ERG: variants seen among roughly 807,000 people sequenced by gnomAD.
ERG encodes ETS transcription factor ERG.
A neutral mutation model predicts 55.3 loss-of-function variants in ERG; 9 were observed. The observed-to-expected ratio is 0.16, with a 90% CI of 0.10 to 0.28. ERG has a LOEUF of 0.28. Among genes scored for constraint, ERG ranks in the 10% least tolerant of loss-of-function variants. ERG has a pLI of 1.00. For synonymous variants in ERG, 223 were observed against 237.3 expected (o/e 0.94, Z 0.55); for missense variants, 434 against 631.6 (o/e 0.69, Z 3.35).
At chr21:38,371,547 T>A in the ERG span, among the ~76,000 whole-genome samples, 1 of 152,038 alleles carries the variant, frequency 6.6e-6, no homozygotes, top group Non-Finnish European at 1.5e-5. Flanking sequence ...AAAGAAGTCA[T>A]ATTCTTTTCT....
At chr21:38,612,188 A>G (rs533317659) in intron 1 of ERG, among the ~76,000 whole-genome samples, 1 of 152,342 alleles carries the variant, frequency 6.6e-6, no homozygotes, top group Admixed American at 6.5e-5. Flanking sequence ...AAGAGGAGTC[A>G]CAAAATGTTT....
intron 6 of ERG, among the ~76,000 whole-genome samples, chr21:38,396,378 C>T (rs1393300863): frequency 6.6e-6 from 1 of 152,214 alleles, no homozygotes; most frequent in Admixed American, 6.5e-5. Flanking sequence ...AAGATACAGG[C>T]TTTACATAAC....
intron 1 of ERG, among the ~76,000 whole-genome samples, chr21:38,608,453 C>T (rs1364881122): frequency 2.0e-5 from 3 of 152,074 alleles, no homozygotes; most frequent in African/African-American, 4.8e-5. Flanking sequence ...AACAACACAG[C>T]CTCAAAATAC....
At position 38,383,288 on chromosome 21, in the gene ERG, C is replaced by T. The variant is rs1038832689; in HGVS notation, c.*115G>A. ...TCTCTTCCCCGGCTTCCTTCCCCAGCCCCAGTAAAGCTTTTTTCATTCCTC... is the reference window on the plus strand; with the variant it reads ...TCTCTTCCCCGGCTTCCTTCCCCAGTCCCAGTAAAGCTTTTTTCATTCCTC... On this transcript the variant is annotated 3_prime_UTR_variant, in exon 10 of 10. Transcript: ENST00000288319. This position sits in a 1 kb window ranked among gnomAD's most constrained non-coding sequence, Gnocchi z 5.7. 7.5e-7 allele frequency: 1 copy of T among 1,336,000 alleles called. No homozygotes were observed. Among genetic ancestry groups the T allele is most frequent in the African/African-American group, 1.5e-5 (1 of 68,374 alleles). The allele number at this position is 1,336,000 out of a possible 1,614,324, so 82.8% of individuals were successfully genotyped here.
At chr21:38,519,202 T>C (rs1349853020) in intron 2 of ERG, among the ~76,000 whole-genome samples, 5 of 152,168 alleles carry the variant, frequency 3.3e-5, no homozygotes, top group Non-Finnish European at 5.9e-5. Flanking sequence ...TATTTATCCA[T>C]CAGGGCTGTA....
chr21:38,633,629 A>AT (rs2060370471), intron 1 of ERG, among the ~76,000 whole-genome samples: 1 of 151,870 alleles, frequency 6.6e-6, no homozygotes, highest in Non-Finnish European at 1.5e-5. Flanking sequence ...TTTCTTATTT[A>AT]TTTTTGCCTT....
chr21:38,477,007 C>CTTTTTTTTTTTTTTT (rs397867221), intron 1 of ERG, among the ~76,000 whole-genome samples: 7 of 84,156 alleles, frequency 8.3e-5, no homozygotes, highest in African/African-American at 9.4e-5. Flanking sequence ...TCTTTCTTTC[C>CTTTTTTTTTTTTTTT]TTTTTTTTTT....
chr21:38,398,961 G>A (rs1466221076), intron 6 of ERG, among the ~76,000 whole-genome samples: 1 of 152,096 alleles, frequency 6.6e-6, no homozygotes, highest in Non-Finnish European at 1.5e-5. Context: ...CAAATGTTTT[G>A]GAAATAGTTT....
rs375304559 is a variant in ERG, at chr21:38,572,180, C to A, written c.-41+3482G>T. 1.0e-3 allele frequency among the ~76,000 whole-genome samples: 144 copies of A among 140,166 alleles called. 3 individuals are homozygous for A. In the East Asian group the frequency reaches 0.028, roughly 27 times the overall value. 92.0% of individuals were successfully genotyped at this position (140,166 alleles called of 152,430 possible). On this transcript the variant is annotated intron_variant, in intron 2 of 8. Transcript: ENST00000398897. Reference sequence around the variant, plus strand: ...GACCATCCTGGCTAACACGGTGAAACCCCGTCTCTACTAAAAAAAAAAAAA... The same window carrying A: ...GACCATCCTGGCTAACACGGTGAAAACCCGTCTCTACTAAAAAAAAAAAAA...
intron 7 of ERG, 102 bp downstream of exon 7, chr21:38,392,274 T>C (rs1268663875): frequency 1.0e-6 from 1 of 991,548 alleles, no homozygotes; most frequent in East Asian, 2.6e-5. Flanking sequence ...CCATCACATG[T>C]TGCAAAATCA....
intron 2 of ERG, among the ~76,000 whole-genome samples, chr21:38,544,823 A>G (rs1313856419): frequency 6.6e-6 from 1 of 152,104 alleles, no homozygotes; most frequent in African/African-American, 2.4e-5. Context: ...CTGGATGCTC[A>G]TGAAGCTCTC....
chr21:38,476,615 G>A (rs1021719465), intron 1 of ERG, among the ~76,000 whole-genome samples: 7 of 152,178 alleles, frequency 4.6e-5, no homozygotes, highest in African/African-American at 1.4e-4. Flanking sequence ...ACCCATCTGG[G>A]CACAGAACTG....
rs564502519 is a variant in ERG, at chr21:38,534,728, C to CA, written c.-41+40933dup. On this transcript the variant is annotated intron_variant, in intron 2 of 8. Transcript: ENST00000398897. ...GCAATTCTACTTCTGGGTATATATT[C>CA]AAAAAAATTTAAAGCAGGATCTCAA... is the stretch of plus-strand genomic sequence containing the variant. 8.2e-4 allele frequency among the ~76,000 whole-genome samples: 125 copies of CA among 152,092 alleles called. 1 individual carries two copies. Among genetic ancestry groups the CA allele is most frequent in the African/African-American group, 2.9e-3 (122 of 41,490 alleles).
rs1210386270 is a variant in ERG at position 38,537,438 on chromosome 21, A to AT, written c.-41+38223_-41+38224insA. On this transcript the variant is annotated intron_variant, in intron 2 of 8. Coordinates refer to the ERG transcript ENST00000398897. ...TAATAAGGGATTAATATCCAGAAAA[A>AT]AAAATATATATATATATGTATATAA... Among the ~76,000 whole-genome samples, 301 of 117,284 alleles carry AT rather than the reference A, an allele frequency of 2.6e-3. 2 individuals are homozygous for AT. Among genetic ancestry groups the AT allele is most frequent in the African/African-American group, 0.011 (284 of 25,872 alleles). The allele number at this position is 117,284 out of a possible 152,430, so 76.9% of individuals were successfully genotyped here.
chr21:38,415,324 G>C (rs557319358), intron 3 of ERG, among the ~76,000 whole-genome samples: 1 of 152,350 alleles, frequency 6.6e-6, no homozygotes, highest in East Asian at 1.9e-4. Flanking sequence ...CAAAGTGCAT[G>C]TCCAAGTGCC....
intron 1 of ERG, among the ~76,000 whole-genome samples, chr21:38,473,426 C>CATATAT (rs72247853): frequency 1.4e-3 from 214 of 148,780 alleles, no homozygotes; most frequent in African/African-American, 5.1e-3. Context: ...TATATATATA[C>CATATAT]ATATATATAT....
intron 1 of ERG, among the ~76,000 whole-genome samples, chr21:38,620,489 G>A (rs901676605): frequency 6.6e-6 from 1 of 152,090 alleles, no homozygotes; most frequent in African/African-American, 2.4e-5. Flanking sequence ...CAATAAAAAA[G>A]AACAATGGTC....
At chr21:38,596,497 G>A (rs1253977952) in intron 1 of ERG, among the ~76,000 whole-genome samples, 1 of 152,164 alleles carries the variant, frequency 6.6e-6, no homozygotes, top group East Asian at 1.9e-4. Flanking sequence ...GTGATCCAGC[G>A]ATACTTGTTC....
the ERG span, among the ~76,000 whole-genome samples, chr21:38,369,096 T>C: frequency 2.0e-5 from 3 of 152,234 alleles, no homozygotes; most frequent in Non-Finnish European, 4.4e-5. Flanking sequence ...CATGTCTTTA[T>C]AATAGAATGT....
Sources: allele counts gnomAD v4.1 joint callset (sites outside exome capture counted in the v4.1 genomes callset), GRCh38; gene constraint gnomAD v4.1.1; non-coding constraint Gnocchi (gnomAD v3.1); transcripts MANE v1.5; gene names NCBI Gene and HGNC (gene_info 2026-07-23, HGNC 2026-07-21).